NUP107: variants seen among roughly 807,000 people sequenced by gnomAD.
The protein encoded by NUP107 is nuclear pore complex protein Nup107.
A neutral mutation model predicts 141.0 loss-of-function variants in NUP107; 101 were observed. The ratio of observed to expected loss-of-function variants is 0.72; its 90% CI spans 0.61 to 0.84. The LOEUF (loss-of-function observed/expected upper bound fraction) is 0.84, where lower values mean the gene tolerates loss of function less well. Among genes scored for constraint, NUP107 ranks in the 40% least tolerant of loss-of-function variants. NUP107 has a pLI of 0.00. For synonymous variants in NUP107, 319 were observed against 363.9 expected (o/e 0.88, Z 1.41); for missense variants, 941 against 1,102.7 (o/e 0.85, Z 2.08).
chr12:68,687,055 A>C lies in NUP107; in HGVS notation c.-11A>C, dbSNP rs779307531. On this transcript the variant is annotated 5_prime_UTR_variant, in exon 1 of 28. Transcript: ENST00000229179. ...AGCCAACTTTGGTTGTGTGTGGAAA[A>C]GGCTTTAGCCATGGACAGGTCAGTA... 5.6e-6 allele frequency: 9 copies of C among 1,613,998 alleles called. No homozygotes were observed. The highest frequency in any genetic ancestry group is 3.3e-5 in the Admixed American group (2 of 59,998).
At chr12:68,718,114 A>G (rs1877190094) in intron 12 of NUP107, among the ~76,000 whole-genome samples, 1 of 152,088 alleles carries the variant, frequency 6.6e-6, no homozygotes, top group Non-Finnish European at 1.5e-5. Context: ...CCATAGCTCA[A>G]CCCTCCTCTC....
rs1010061678 is a variant in NUP107 at position 68,687,304 on chromosome 12, C to T, written c.8+231C>T. On this transcript the variant is annotated intron_variant, in intron 1 of 27. Coordinates refer to ENST00000229179, the MANE Select transcript of NUP107 (RefSeq NM_020401.4). ...TCCCTTACTTTCCCACTACGTTCTG[C>T]GATCTATTCGGCGCTTTGGGGCAGC... 15 of 671,688 alleles carry T rather than the reference C, an allele frequency of 2.2e-5. No homozygotes were observed. In the African/African-American group the frequency reaches 2.7e-4, roughly 12 times the overall value. The allele number at this position is 671,688 out of a possible 1,614,324, so 41.6% of individuals were successfully genotyped here.
intron 8 of NUP107, 44 bp downstream of exon 8, chr12:68,702,828 T>A: frequency 8.7e-7 from 1 of 1,143,104 alleles, no homozygotes; most frequent in Non-Finnish European, 1.2e-6. Context: ...ACATACAAAT[T>A]AAAATGTTAC....
intron 26 of NUP107, chr12:68,740,231 A>G (rs1878268513): frequency 6.6e-6 from 1 of 152,224 alleles, no homozygotes; most frequent in East Asian, 1.9e-4. Context: ...GAAAGACTAC[A>G]TTGGAGCACA....
At chr12:68,702,692 T>G in intron 7 of NUP107, 44 bp from the exon 8 acceptor site, 3 of 1,360,452 alleles carry the variant, frequency 2.2e-6, no homozygotes, top group Admixed American at 2.3e-5. Flanking sequence ...TTCATTATAT[T>G]CGTGTGAAAT....
intron 18 of NUP107, 41 bp downstream of exon 18, chr12:68,725,837 G>GGC: frequency 1.6e-6 from 1 of 620,184 alleles, no homozygotes; most frequent in East Asian, 3.4e-5. Context: ...TTTTGTGTGT[G>GGC]TTTTTTTTTT....
rs1389750546 is a variant in NUP107, at chr12:68,710,105, A to G, written c.890+12A>G. On this transcript the variant is annotated intron_variant, in intron 10 of 27. Coordinates refer to ENST00000229179, the MANE Select transcript of NUP107 (RefSeq NM_020401.4). The stretch of plus-strand genomic sequence containing the variant: ...AAATCAGTATATTGGTAAGTTACCA[A>G]ACTTTAATTCTTAAGGTCACTCAAT... The G allele has an allele frequency of 3.1e-6, 4 of 1,296,552 alleles. No homozygotes were observed. The highest frequency in any genetic ancestry group is 4.4e-6 in the Non-Finnish European group (4 of 898,890). 80.3% of individuals were successfully genotyped at this position (1,296,552 alleles called of 1,614,324 possible).
chr12:68,701,543 G>T (rs191544223), intron 7 of NUP107, among the ~76,000 whole-genome samples: 2 of 151,900 alleles, frequency 1.3e-5, no homozygotes, highest in Non-Finnish European at 2.9e-5. Flanking sequence ...TTAGCCAGGC[G>T]TGGTGGTGGG....
At chr12:68,725,216 CA>C (rs1488473879) in intron 17 of NUP107, among the ~76,000 whole-genome samples, 1 of 151,164 alleles carries the variant, frequency 6.6e-6, no homozygotes, top group Non-Finnish European at 1.5e-5. Context: ...CTATATTCTT[CA>C]AAAAATCAAG....
intron 26 of NUP107, among the ~76,000 whole-genome samples, chr12:68,741,574 C>T (rs1398005157): frequency 6.6e-6 from 1 of 152,136 alleles, no homozygotes; most frequent in Non-Finnish European, 1.5e-5. Flanking sequence ...GTTTCCAACT[C>T]ATTCTTTTTA....
chr12:68,689,607 T>C lies in NUP107; in HGVS notation c.175T>C (p.Phe59Leu), dbSNP rs771615546. ...NQVIPRTPSS[F>L]RQPFTPTSRS... Reference sequence around the variant, plus strand: ...GGTTATCCCTCGAACTCCTAGCTCATTTCGACAGCCTTGTAAGATTTTTTG... The same window carrying C: ...GGTTATCCCTCGAACTCCTAGCTCACTTCGACAGCCTTGTAAGATTTTTTG... The change falls in exon 3 of 28, where the codon TTT becomes CTT. Residue 59 changes from phenylalanine (F) to leucine (L), a missense_variant. By Grantham distance (22) the Phe-to-Leu change is conservative. Transcript: ENST00000229179. The C allele has an allele frequency of 6.2e-7, 1 of 1,609,514 alleles. No homozygotes were observed. The highest frequency in any genetic ancestry group is 1.1e-5 in the South Asian group (1 of 89,934).
At chr12:68,694,459 A>G (rs1875953837) in intron 5 of NUP107, among the ~76,000 whole-genome samples, 1 of 152,266 alleles carries the variant, frequency 6.6e-6, no homozygotes, top group Admixed American at 6.5e-5. Flanking sequence ...ACGAAAGAAT[A>G]CAATCAGCAA....
chr12:68,687,764 A>G, intron 1 of NUP107: 1 of 515,898 alleles, frequency 1.9e-6, no homozygotes, highest in African/African-American at 2.1e-5. Context: ...AATATATATT[A>G]TTAGCTTATT....
At chr12:68,727,284 G>A (rs1877604579) in intron 19 of NUP107, 67 bp from the exon 20 acceptor site, 2 of 765,992 alleles carry the variant, frequency 2.6e-6, no homozygotes, top group South Asian at 3.5e-5. Flanking sequence ...AATGGAATTT[G>A]TATCAAAAAT....
intron 23 of NUP107, 141 bp downstream of exon 23, chr12:68,732,880 AC>A (rs1475331812): frequency 2.0e-6 from 1 of 493,180 alleles, no homozygotes; most frequent in Non-Finnish European, 3.6e-6. Context: ...ATGGGGTCTC[AC>A]TATGTTGCCT....
Position 68,735,308 on chromosome 12 carries a change from G to A in NUP107, c.2466G>A (p.Leu822=). Residue 822 remains leucine, a synonymous_variant, in exon 26 of 28, where the codon TTG becomes TTA. Transcript: ENST00000229179. ...AGGAGAAAATGTATAACGTCTTGTT[G>A]TTTGTTGATGGAGGGTGGATGGTGG... ...DVKEKMYNVL[L]FVDGGWMVDV... 6.2e-7 allele frequency: 1 copy of A among 1,614,046 alleles called. No individual in the cohort carries two copies. The highest frequency in any genetic ancestry group is 8.5e-7 in the Non-Finnish European group (1 of 1,179,948).
At chr12:68,732,816 A>G in intron 23 of NUP107, 77 bp downstream of exon 23, 1 of 949,640 alleles carries the variant, frequency 1.1e-6, no homozygotes, top group South Asian at 1.5e-5. Context: ...AGTAGCTGGG[A>G]CTACAGGCAC....
At chr12:68,687,543 C>T (rs1307129983) in intron 1 of NUP107, 1 of 991,262 alleles carries the variant, frequency 1.0e-6, no homozygotes, top group Non-Finnish European at 1.2e-6. Flanking sequence ...AAGATCCTTC[C>T]CCTCGGGGAA....
At chr12:68,697,198 C>G (rs965770135) in intron 6 of NUP107, among the ~76,000 whole-genome samples, 2 of 152,074 alleles carry the variant, frequency 1.3e-5, no homozygotes, top group African/African-American at 2.4e-5. Context: ...GAGGCCAAAG[C>G]AGAAGGATCA....
Sources: gnomAD v4.1 joint callset for allele counts (sites outside exome capture counted in the v4.1 genomes callset) on GRCh38, gnomAD v4.1.1 for gene constraint, MANE v1.5 for transcripts, NCBI Gene and HGNC (gene_info 2026-07-23, HGNC 2026-07-21) for gene names.